Variants in IL1RAPL1 observed in about 807,000 individuals in gnomAD.
IL1RAPL1 encodes interleukin-1 receptor accessory protein-like 1.
In IL1RAPL1, 3 loss-of-function variants were observed where a neutral mutation model predicts 48.4. The observed-to-expected ratio is 0.06, with a 90% CI of 0.03 to 0.16. The LOEUF (loss-of-function observed/expected upper bound fraction) is 0.16, where lower values mean the gene tolerates loss of function less well. Among genes scored for constraint, IL1RAPL1 ranks in the 10% least tolerant of loss-of-function variants. The pLI, the probability that IL1RAPL1 is intolerant of heterozygous loss-of-function variation, is 1.00. For synonymous variants in IL1RAPL1, 185 were observed against 187.7 expected, an observed-to-expected ratio of 0.99 and a Z score of 0.12; for missense variants, 349 against 530.6, an observed-to-expected ratio of 0.66 and a Z score of 3.36.
intron 5 of IL1RAPL1, among the ~76,000 whole-genome samples, chrX:29,415,573 C>CCAT (rs1297754646): frequency 1.8e-5 from 2 of 110,770 alleles, no homozygotes; most frequent in East Asian, 5.7e-4. Flanking sequence ...GCGCGTGCCA[C>CCAT]CACGCCCGGC....
At chrX:29,366,700 C>T (rs920312591) in intron 3 of IL1RAPL1, among the ~76,000 whole-genome samples, 1 of 105,950 alleles carries the variant, frequency 9.4e-6, no homozygotes, top group Non-Finnish European at 1.9e-5. Context: ...TCCTGAGTAG[C>T]TGGGACTACA....
chrX:29,055,626 G>C (rs1043835149), intron 2 of IL1RAPL1, among the ~76,000 whole-genome samples: 5 of 111,829 alleles, frequency 4.5e-5, no homozygotes, highest in African/African-American at 1.3e-4. Flanking sequence ...TTTATTTTGA[G>C]AAGCAAAATA....
At position 29,956,327 on chromosome X, in the gene IL1RAPL1, G is replaced by GGA. The variant is rs1933421794; in HGVS notation, c.*508_*509dup. 1 of 95,107 alleles carries GGA rather than the reference G, an allele frequency of 1.1e-5. No homozygotes were observed. Among genetic ancestry groups the GGA allele is most frequent in the African/African-American group, 3.9e-5 (1 of 25,599 alleles). 7.8% of individuals were successfully genotyped at this position (95,107 alleles called of 1,213,427 possible). Reference sequence around the variant, plus strand: ...ACAAATGCCAGCATTGCCATTCGGGGGAAAAAAAAAAAAAAAAAAAAAAGA... The same window carrying GGA: ...ACAAATGCCAGCATTGCCATTCGGGGGAGAAAAAAAAAAAAAAAAAAAAAAGA... On this transcript the variant is annotated 3_prime_UTR_variant, in exon 11 of 11. Coordinates refer to ENST00000378993, the MANE Select transcript of IL1RAPL1 (RefSeq NM_014271.4).
chrX:29,860,607 G>A (rs772451468), intron 6 of IL1RAPL1, among the ~76,000 whole-genome samples: 1 of 111,250 alleles, frequency 9.0e-6, no homozygotes, highest in Non-Finnish European at 1.9e-5. Flanking sequence ...AGACCATGAG[G>A]TGTTTGATTT....
intron 1 of IL1RAPL1, among the ~76,000 whole-genome samples, chrX:28,710,787 T>C (rs187981275): frequency 8.4e-4 from 94 of 112,241 alleles, no homozygotes; most frequent in Middle Eastern, 4.7e-3. Context: ...ATGTGATATT[T>C]TATACTTTTC....
intron 1 of IL1RAPL1, among the ~76,000 whole-genome samples, chrX:28,619,206 G>A (rs929003258): frequency 1.2e-4 from 13 of 111,224 alleles, no homozygotes; most frequent in African/African-American, 3.9e-4. Flanking sequence ...TATAAAAATG[G>A]TGGTGGAAAA....
intron 2 of IL1RAPL1, among the ~76,000 whole-genome samples, chrX:28,891,884 T>G (rs2147320111): frequency 9.0e-6 from 1 of 111,673 alleles, no homozygotes; most frequent in South Asian, 3.8e-4. Flanking sequence ...CAATACTTGT[T>G]ATTGGTCTTT....
intron 6 of IL1RAPL1, among the ~76,000 whole-genome samples, chrX:29,773,755 GTA>G (rs1395077919): frequency 3.6e-5 from 4 of 111,672 alleles, no homozygotes; most frequent in African/African-American, 1.3e-4. Flanking sequence ...GGGTGGGTGT[GTA>G]TGTGTGTGTG....
chrX:29,209,213 G>A lies in IL1RAPL1; in HGVS notation c.83-73725G>A, dbSNP rs190757737. On this transcript the variant is annotated intron_variant, in intron 2 of 10. Coordinates refer to ENST00000378993, the MANE Select transcript of IL1RAPL1 (RefSeq NM_014271.4). ...ATTTTGTTTCTATGTGTGACTGCAT[G>A]TGTATGTTCTTTTTTCTGCATACTG... 3.5e-3 allele frequency among the ~76,000 whole-genome samples: 391 copies of A among 111,978 alleles called. 3 individuals are homozygous for A. Among genetic ancestry groups the A allele is most frequent in the African/African-American group, 0.012 (356 of 30,854 alleles).
chrX:29,070,267 A>T (rs1260486957), intron 2 of IL1RAPL1, among the ~76,000 whole-genome samples: 1 of 111,845 alleles, frequency 8.9e-6, no homozygotes, highest in Non-Finnish European at 1.9e-5. Flanking sequence ...ATTGCTTCCA[A>T]ACTGAGTAGA....
intron 5 of IL1RAPL1, among the ~76,000 whole-genome samples, chrX:29,448,738 C>T (rs186444348): frequency 9.0e-6 from 1 of 111,445 alleles, no homozygotes; most frequent in East Asian, 2.8e-4. Context: ...GCTAGGGCTG[C>T]TCCACAACAA....
chrX:28,833,536 A>G (rs1048519402), intron 2 of IL1RAPL1, among the ~76,000 whole-genome samples: 10 of 111,698 alleles, frequency 9.0e-5, no homozygotes, highest in Non-Finnish European at 1.9e-4. Flanking sequence ...GTGAGATGGT[A>G]TCTCATTGTG....
At chrX:29,217,873 G>A (rs1445032685) in intron 2 of IL1RAPL1, among the ~76,000 whole-genome samples, 1 of 108,190 alleles carries the variant, frequency 9.2e-6, no homozygotes, top group East Asian at 2.9e-4. Context: ...CTTGAAGCCC[G>A]ATGTGGCAAA....
chrX:28,770,876 G>C (rs1338292131), intron 1 of IL1RAPL1, among the ~76,000 whole-genome samples: 2 of 112,045 alleles, frequency 1.8e-5, no homozygotes, highest in African/African-American at 3.2e-5. Context: ...GATATAAGTG[G>C]AGGCCAGTGG....
chrX:29,064,125 C>A (rs1927399443), intron 2 of IL1RAPL1, among the ~76,000 whole-genome samples: 1 of 111,920 alleles, frequency 8.9e-6, no homozygotes, highest in Admixed American at 9.5e-5. Context: ...AGCCATTAAG[C>A]ATAAACCAAT....
At chrX:28,963,538 A>T (rs1256934732) in intron 2 of IL1RAPL1, among the ~76,000 whole-genome samples, 1 of 111,319 alleles carries the variant, frequency 9.0e-6, no homozygotes, top group Non-Finnish European at 1.9e-5. Context: ...TGAACTTCTG[A>T]TATATTCTTT....
intron 6 of IL1RAPL1, among the ~76,000 whole-genome samples, chrX:29,884,661 C>T (rs1302277974): frequency 9.0e-6 from 1 of 111,273 alleles, no homozygotes; most frequent in Non-Finnish European, 1.9e-5. Flanking sequence ...ACCTAACTGT[C>T]TATCCGTCTC....
chrX:29,335,744 C>T (rs1932984237), intron 3 of IL1RAPL1, among the ~76,000 whole-genome samples: 1 of 111,594 alleles, frequency 9.0e-6, no homozygotes, highest in East Asian at 2.8e-4. Flanking sequence ...GGCCTTTGAC[C>T]TCTTACGGAA....
intron 2 of IL1RAPL1, among the ~76,000 whole-genome samples, chrX:28,963,350 A>G (rs1924836031): frequency 1.8e-5 from 2 of 111,504 alleles, no homozygotes; most frequent in African/African-American, 3.3e-5. Context: ...TTGCCTTAAT[A>G]AAGATGATCT....
Sources: gnomAD v4.1 joint callset for allele counts (sites outside exome capture counted in the v4.1 genomes callset) on GRCh38, gnomAD v4.1.1 for gene constraint, MANE v1.5 for transcripts, NCBI Gene and HGNC (gene_info 2026-07-23, HGNC 2026-07-21) for gene names.